COLEC12: variants seen among roughly 807,000 people sequenced by gnomAD.
COLEC12 encodes the protein collectin-12.
A neutral mutation model predicts 71.1 loss-of-function variants in COLEC12; 33 were observed. The observed-to-expected ratio is 0.46, with a 90% CI of 0.35 to 0.62. The LOEUF is 0.62. Ranked by LOEUF, COLEC12 falls within the 20% of genes least tolerant of loss-of-function variation. COLEC12 has a pLI of 0.00. For synonymous variants in COLEC12, 350 were observed against 353.0 expected, an observed-to-expected ratio of 0.99 and a Z score of 0.10; for missense variants, 765 against 916.1, an observed-to-expected ratio of 0.84 and a Z score of 2.13.
Position 500,183 on chromosome 18 carries a change from C to T in COLEC12, c.7+325G>A, listed in dbSNP as rs1917792407. On this transcript the variant is annotated intron_variant, in intron 1 of 9. Coordinates refer to ENST00000400256, the MANE Select transcript of COLEC12 (RefSeq NM_130386.3). The surrounding 1 kb of genome is among the most constrained non-coding windows in gnomAD (Gnocchi z 5.3). ...CGGGAGGGATGGCGATGCCTCCACT[C>T]TCCTCGGCAGGTTTTTTCAATTAAA... Among the ~76,000 whole-genome samples, 1 of 152,218 alleles carries T rather than the reference C, an allele frequency of 6.6e-6. No individual in the cohort carries two copies. The highest frequency in any genetic ancestry group is 2.4e-5 in the African/African-American group (1 of 41,450).
intron 2 of COLEC12, among the ~76,000 whole-genome samples, chr18:474,337 G>A (rs1397713106): frequency 2.6e-5 from 4 of 152,238 alleles, no homozygotes; most frequent in Non-Finnish European, 5.9e-5. Context: ...GCACATAATA[G>A]ATATCCACGA....
chr18:371,165 C>T (rs1308639020), intron 2 of COLEC12, among the ~76,000 whole-genome samples: 3 of 152,166 alleles, frequency 2.0e-5, no homozygotes, highest in Non-Finnish European at 4.4e-5. Context: ...TTGGGGGAAA[C>T]AACACCTAAT....
chr18:345,009 C>T (rs1368540601), intron 5 of COLEC12, among the ~76,000 whole-genome samples: 1 of 152,234 alleles, frequency 6.6e-6, no homozygotes, highest in Non-Finnish European at 1.5e-5. Flanking sequence ...CCACTCTTTA[C>T]CCTTGATTAT....
intron 3 of COLEC12, among the ~76,000 whole-genome samples, chr18:351,457 T>G (rs1478525794): frequency 1.3e-5 from 2 of 152,228 alleles, no homozygotes; most frequent in Non-Finnish European, 2.9e-5. Context: ...ACTTATCTAC[T>G]ATTATATCCT....
At chr18:421,109 C>T (rs1916090243) in intron 2 of COLEC12, among the ~76,000 whole-genome samples, 1 of 152,190 alleles carries the variant, frequency 6.6e-6, no homozygotes, top group Admixed American at 6.5e-5. Flanking sequence ...CAGGGCTACA[C>T]ATCTGAAAAC....
At chr18:352,644 A>G (rs1272727611) in intron 3 of COLEC12, among the ~76,000 whole-genome samples, 3 of 152,240 alleles carry the variant, frequency 2.0e-5, no homozygotes, top group Non-Finnish European at 4.4e-5. Flanking sequence ...AGGATCTGGT[A>G]TAAAGCTGGA....
intron 2 of COLEC12, among the ~76,000 whole-genome samples, chr18:427,840 T>C (rs1294256284): frequency 6.6e-6 from 1 of 152,202 alleles, no homozygotes. Context: ...TTCTCTTTTC[T>C]GGCTGTGTCT....
intron 2 of COLEC12, among the ~76,000 whole-genome samples, chr18:425,841 C>T (rs1916189376): frequency 6.6e-6 from 1 of 152,154 alleles, no homozygotes; most frequent in African/African-American, 2.4e-5. Flanking sequence ...ACTCACCACC[C>T]CATCTCTTGT....
intron 1 of COLEC12, among the ~76,000 whole-genome samples, chr18:496,471 A>G (rs537515693): frequency 2.6e-5 from 4 of 152,350 alleles, no homozygotes; most frequent in East Asian, 1.9e-4. Context: ...GAAGGGAAAA[A>G]GGCCTCATTT....
rs142842797 is a variant in COLEC12 at position 346,102 on chromosome 18, C to T, written c.1327+193G>A. ...GTCAAGCCTTCAGATGACTGCAGCTCTGGCTGAGATCTTGACACAACCTCA... is the reference window on the plus strand; with the variant it reads ...GTCAAGCCTTCAGATGACTGCAGCTTTGGCTGAGATCTTGACACAACCTCA... On this transcript the variant is annotated intron_variant, in intron 5 of 9. Coordinates refer to ENST00000400256, the MANE Select transcript of COLEC12 (RefSeq NM_130386.3). This position sits in a 1 kb window ranked among gnomAD's most constrained non-coding sequence, Gnocchi z 4.0. 1.3e-5 allele frequency among the ~76,000 whole-genome samples: 2 copies of T among 152,232 alleles called. No individual in the cohort carries two copies. The highest frequency in any genetic ancestry group is 2.9e-5 in the Non-Finnish European group (2 of 68,038).
intron 1 of COLEC12, among the ~76,000 whole-genome samples, chr18:490,513 T>C (rs1029183599): frequency 3.3e-5 from 5 of 152,210 alleles, no homozygotes; most frequent in Non-Finnish European, 7.3e-5. Context: ...TTTCAGAATT[T>C]CAGGAATTTC....
chr18:336,126 C>G (rs549450367), intron 5 of COLEC12, among the ~76,000 whole-genome samples: 4 of 152,336 alleles, frequency 2.6e-5, no homozygotes, highest in Non-Finnish European at 5.9e-5. Context: ...CTCCCCATAA[C>G]CAAGCCTATA....
Position 319,944 on chromosome 18 carries a change from C to CT in COLEC12, c.*100dup, listed in dbSNP as rs1212406089. 16,854 of 565,076 alleles carry CT rather than the reference C, an allele frequency of 0.03. 4 individuals are homozygous for CT. The highest frequency in any genetic ancestry group is 0.036 in the Non-Finnish European group (11,868 of 332,692). 35.0% of individuals were successfully genotyped at this position (565,076 alleles called of 1,614,324 possible). The stretch of plus-strand genomic sequence containing the variant: ...TTTTTTCAGTAATTGGTTTTCAGTG[C>CT]TTTTTTTTTTTCAATCTGATGAGAA... On this transcript the variant is annotated 3_prime_UTR_variant, in exon 10 of 10. Transcript: ENST00000400256.
intron 2 of COLEC12, among the ~76,000 whole-genome samples, chr18:429,366 T>C (rs1244946832): frequency 1.3e-5 from 2 of 151,880 alleles, no homozygotes; most frequent in African/African-American, 2.4e-5. Flanking sequence ...CTATTTTTTT[T>C]CATGTAATTC....
At chr18:465,800 C>T (rs1917073532) in intron 2 of COLEC12, among the ~76,000 whole-genome samples, 1 of 152,194 alleles carries the variant, frequency 6.6e-6, no homozygotes, top group Non-Finnish European at 1.5e-5. Flanking sequence ...TGGCCGGGCA[C>T]AGTGGCTCAC....
chr18:385,069 G>C (rs1328921419), intron 2 of COLEC12, among the ~76,000 whole-genome samples: 1 of 152,156 alleles, frequency 6.6e-6, no homozygotes, highest in Non-Finnish European at 1.5e-5. Flanking sequence ...CTGTTTACAT[G>C]GTTGTCCAAG....
chr18:317,833 A>T lies in COLEC12; in HGVS notation c.*2212T>A, dbSNP rs1006733048. The stretch of plus-strand genomic sequence containing the variant: ...TTAGGCCCAGAGGACTGTGGGTCCC[A>T]CCTGCCTGACAGCAGGGCACACAGG... On this transcript the variant is annotated 3_prime_UTR_variant, in exon 10 of 10. Coordinates refer to ENST00000400256, the MANE Select transcript of COLEC12 (RefSeq NM_130386.3). 6.6e-6 allele frequency: 1 copy of T among 152,240 alleles called. No individual in the cohort carries two copies. Among genetic ancestry groups the T allele is most frequent in the Admixed American group, 6.5e-5 (1 of 15,272 alleles). The allele number at this position is 152,240 out of a possible 1,614,324, so 9.4% of individuals were successfully genotyped here.
chr18:463,451 CCACA>C (rs145789187), intron 2 of COLEC12, among the ~76,000 whole-genome samples: 2 of 152,002 alleles, frequency 1.3e-5, no homozygotes, highest in Admixed American at 6.6e-5. Context: ...AAGTAATAAA[CCACA>C]CACACACAGA....
chr18:398,407 C>T (rs1159946291), intron 2 of COLEC12, among the ~76,000 whole-genome samples: 1 of 152,220 alleles, frequency 6.6e-6, no homozygotes, highest in African/African-American at 2.4e-5. Context: ...TTCCCCTTTC[C>T]AACCACTTCT....
Sources: allele counts gnomAD v4.1 joint callset (sites outside exome capture counted in the v4.1 genomes callset), GRCh38; gene constraint gnomAD v4.1.1; non-coding constraint Gnocchi (gnomAD v3.1); transcripts MANE v1.5; gene names NCBI Gene and HGNC (gene_info 2026-07-23, HGNC 2026-07-21).